Variants in DENND1A observed in about 807,000 individuals in gnomAD.
The protein encoded by DENND1A is DENN domain containing 1A.
A neutral mutation model predicts 113.7 loss-of-function variants in DENND1A; 51 were observed. The ratio of observed to expected loss-of-function variants is 0.45; its 90% CI spans 0.36 to 0.57. The LOEUF is 0.57. Ranked by LOEUF, DENND1A falls within the 20% of genes least tolerant of loss-of-function variation. The pLI, the probability that DENND1A is intolerant of heterozygous loss-of-function variation, is 0.00. For missense variants in DENND1A, 1,258 were observed against 1,395.9 expected, an observed-to-expected ratio of 0.90 and a Z score of 1.57; for synonymous variants, 565 against 570.8, an observed-to-expected ratio of 0.99 and a Z score of 0.14.
At chr9:123,818,146 G>C (rs1462025968) in intron 2 of DENND1A, among the ~76,000 whole-genome samples, 1 of 152,000 alleles carries the variant, frequency 6.6e-6, no homozygotes, top group Non-Finnish European at 1.5e-5. Context: ...TGTCGCCCAG[G>C]CTGGAGTGCA....
intron 11 of DENND1A, among the ~76,000 whole-genome samples, chr9:123,596,638 G>T (rs535915613): frequency 1.3e-5 from 2 of 152,270 alleles, no homozygotes; most frequent in South Asian, 4.1e-4. Context: ...GCACAGAGCT[G>T]GTGCTAAGCA....
chr9:123,621,099 C>T (rs1027821790), intron 10 of DENND1A, among the ~76,000 whole-genome samples: 1 of 152,052 alleles, frequency 6.6e-6, no homozygotes, highest in African/African-American at 2.4e-5. Context: ...AGAATTTTGG[C>T]CACAACTATC....
At chr9:123,753,184 C>T (rs2131338472) in intron 5 of DENND1A, among the ~76,000 whole-genome samples, 3 of 152,300 alleles carry the variant, frequency 2.0e-5, no homozygotes, top group Middle Eastern at 6.8e-3. Context: ...AAGTCCTTGT[C>T]CTTGAAGAGT....
chr9:123,667,067 T>C lies in DENND1A; in HGVS notation c.466A>G (p.Thr156Ala), dbSNP rs1347964576. ...GGAAGTTCTCTGGTATCAGGCACAG[T>C]AAAATAAGAATGCTAGAAAAGAAAA... ...SVHLSVHSYF[T>A]VPDTRELPSI... The change falls in exon 8 of 24, where the codon ACT becomes GCT. Residue 156 changes from threonine (T) to alanine (A), a missense_variant. By Grantham distance (58) the Thr-to-Ala change is moderately conservative (BLOSUM62 0). Coordinates refer to ENST00000394215, the MANE Select transcript of DENND1A (RefSeq NM_001352964.2). 1.9e-6 allele frequency: 3 copies of C among 1,600,418 alleles called. No individual in the cohort carries two copies. Among genetic ancestry groups the C allele is most frequent in the South Asian group, 1.1e-5 (1 of 87,610 alleles).
chr9:123,440,324 A>C (rs1490515444), intron 19 of DENND1A, 36 bp downstream of exon 19: 3 of 1,570,622 alleles, frequency 1.9e-6, no homozygotes, highest in Non-Finnish European at 2.6e-6. Context: ...ATAAAAAAAA[A>C]ACAAAACAGA....
intron 18 of DENND1A, among the ~76,000 whole-genome samples, chr9:123,449,662 C>T (rs1239903185): frequency 1.3e-5 from 2 of 151,996 alleles, no homozygotes; most frequent in African/African-American, 4.8e-5. Context: ...AATCTGGGGG[C>T]ATAAAAAGGA....
intron 10 of DENND1A, among the ~76,000 whole-genome samples, chr9:123,627,739 CAAAAAA>C (rs764341977): frequency 1.7e-5 from 1 of 57,804 alleles, no homozygotes. Context: ...AACTCTGTCT[CAAAAAA>C]AAAAAAAAAA....
At position 123,659,285 on chromosome 9, in the gene DENND1A, A is replaced by C. The variant is rs1564900655; in HGVS notation, c.508-7162T>G. ...GAGGAGATAATCAATAAATATTTAC[A>C]AACCATCTATATTACAGGCAGCGGA... On this transcript the variant is annotated intron_variant, in intron 8 of 23. Transcript: ENST00000394215. Among the ~76,000 whole-genome samples, 3 of 152,206 alleles carry C rather than the reference A, an allele frequency of 2.0e-5. No individual in the cohort carries two copies. The South Asian group carries it at 6.2e-4, about 32-fold the overall frequency.
intron 1 of DENND1A, among the ~76,000 whole-genome samples, chr9:123,888,956 C>CTGTGTGTGTGTGTGTGTGTG (rs58270598): frequency 4.6e-5 from 6 of 131,102 alleles, no homozygotes; most frequent in African/African-American, 1.8e-4. Flanking sequence ...GTGCTTTAAA[C>CTGTGTGTGTGTGTGTGTGTG]TGTGTGTGTG....
At chr9:123,674,474 T>C (rs1029572255) in intron 6 of DENND1A, among the ~76,000 whole-genome samples, 30 of 152,194 alleles carry the variant, frequency 2.0e-4, no homozygotes, top group African/African-American at 7.2e-4. Flanking sequence ...AGGAGGTAGA[T>C]TCTATTTCTT....
chr9:123,578,936 A>G (rs2058753875), intron 12 of DENND1A, among the ~76,000 whole-genome samples: 1 of 152,140 alleles, frequency 6.6e-6, no homozygotes, highest in African/African-American at 2.4e-5. Context: ...TAGATGAGGT[A>G]AGACACTGGG....
intron 5 of DENND1A, among the ~76,000 whole-genome samples, chr9:123,714,323 C>T (rs997470084): frequency 5.9e-5 from 9 of 152,152 alleles, no homozygotes; most frequent in African/African-American, 2.2e-4. Flanking sequence ...CAGCATTGGC[C>T]GGGTGCAATG....
intron 1 of DENND1A, among the ~76,000 whole-genome samples, chr9:123,915,059 C>A (rs752056530): frequency 2.0e-5 from 3 of 152,144 alleles, no homozygotes; most frequent in Non-Finnish European, 4.4e-5. Context: ...AGGTTTCCAT[C>A]CTGCCAACAT....
chr9:123,827,392 A>AATATATATATATATATATATATATATAT (rs56805562), intron 2 of DENND1A, among the ~76,000 whole-genome samples: 3 of 140,788 alleles, frequency 2.1e-5, no homozygotes, highest in African/African-American at 7.8e-5. Context: ...ATGGATATAT[A>AATATATATATATATATATATATATATAT]ATATATATAT....
intron 1 of DENND1A, among the ~76,000 whole-genome samples, chr9:123,902,540 C>T (rs1851847571): frequency 6.6e-6 from 1 of 152,146 alleles, no homozygotes; most frequent in Admixed American, 6.5e-5. Context: ...CCCATTCAAC[C>T]ACCTGTGGCA....
intron 5 of DENND1A, among the ~76,000 whole-genome samples, chr9:123,743,788 C>T (rs1292449858): frequency 6.6e-6 from 1 of 151,536 alleles, no homozygotes; most frequent in Non-Finnish European, 1.5e-5. Context: ...ATATATACCT[C>T]GTAATCTTTA....
chr9:123,803,668 C>A (rs1835066705), intron 2 of DENND1A, among the ~76,000 whole-genome samples: 1 of 152,236 alleles, frequency 6.6e-6, no homozygotes. Context: ...CTGTTTTATT[C>A]ATTTTACCTC....
chr9:123,573,011 C>A (rs764803983), intron 12 of DENND1A, among the ~76,000 whole-genome samples: 3 of 151,960 alleles, frequency 2.0e-5, no homozygotes, highest in Non-Finnish European at 4.4e-5. Context: ...ATATAGATAT[C>A]CAGTTGTTCC....
At chr9:123,716,328 C>A (rs1173081437) in intron 5 of DENND1A, among the ~76,000 whole-genome samples, 1 of 152,124 alleles carries the variant, frequency 6.6e-6, no homozygotes, top group Admixed American at 6.5e-5. Context: ...CTTAGGATGC[C>A]CATTTGCTTT....
Sources: gnomAD v4.1 joint callset for allele counts (sites outside exome capture counted in the v4.1 genomes callset) on GRCh38, gnomAD v4.1.1 for gene constraint, MANE v1.5 for transcripts, NCBI Gene and HGNC (gene_info 2026-07-23, HGNC 2026-07-21) for gene names.